The following RBMS3 variants were observed in gnomAD, a reference collection of about 807,000 sequenced individuals.
RBMS3 encodes RNA-binding motif, single-stranded-interacting protein 3.
In RBMS3, 27 loss-of-function variants were observed where a neutral mutation model predicts 66.8. The observed-to-expected ratio is 0.40, with a 90% CI of 0.30 to 0.56. The LOEUF is 0.56. RBMS3 is among the 20% of genes least tolerant of loss of function. RBMS3 has a pLI of 0.40. For synonymous variants in RBMS3, 188 were observed against 183.0 expected (o/e 1.03, Z -0.22); for missense variants, 513 against 549.5 (o/e 0.93, Z 0.66).
intron 4 of RBMS3, among the ~76,000 whole-genome samples, chr3:29,653,511 G>T (rs2050213520): frequency 6.6e-6 from 1 of 152,096 alleles, no homozygotes; most frequent in Admixed American, 6.6e-5. Context: ...AGTGATATCA[G>T]AATTAATATT....
chr3:29,411,205 A>T (rs1455524899), intron 1 of RBMS3, among the ~76,000 whole-genome samples: 1 of 152,176 alleles, frequency 6.6e-6, no homozygotes, highest in Non-Finnish European at 1.5e-5. Context: ...TAGCAGAAAG[A>T]TCTACTCATA....
At chr3:29,663,118 A>T (rs953494827) in intron 4 of RBMS3, among the ~76,000 whole-genome samples, 2 of 152,184 alleles carry the variant, frequency 1.3e-5, no homozygotes, top group African/African-American at 4.8e-5. Context: ...AATGCCTCTC[A>T]TAGAGTAGGT....
At chr3:29,946,984 G>A (rs1695361256) in intron 12 of RBMS3, among the ~76,000 whole-genome samples, 1 of 151,468 alleles carries the variant, frequency 6.6e-6, no homozygotes, top group African/African-American at 2.4e-5. Flanking sequence ...TATGATATTG[G>A]CAAGAAAGTA....
At chr3:29,358,407 C>T (rs911278660) in intron 1 of RBMS3, among the ~76,000 whole-genome samples, 1 of 152,064 alleles carries the variant, frequency 6.6e-6, no homozygotes. Context: ...TGGTCTGTAT[C>T]TCTGTTTTGG....
At chr3:29,364,074 C>G (rs2037763605) in intron 1 of RBMS3, among the ~76,000 whole-genome samples, 1 of 151,700 alleles carries the variant, frequency 6.6e-6, no homozygotes, top group Non-Finnish European at 1.5e-5. Flanking sequence ...GATATAGGTA[C>G]AGGAATGTTT....
chr3:29,886,899 C>A (rs2059884852), intron 8 of RBMS3, among the ~76,000 whole-genome samples: 1 of 151,714 alleles, frequency 6.6e-6, no homozygotes. Context: ...CCTGAAGAAA[C>A]TTTTCAATCA....
At chr3:29,798,796 G>GT (rs1275155482) in intron 6 of RBMS3, among the ~76,000 whole-genome samples, 1 of 152,068 alleles carries the variant, frequency 6.6e-6, no homozygotes, top group Non-Finnish European at 1.5e-5. Context: ...AATGTGTATT[G>GT]TCCGATATTG....
At chr3:29,962,373 A>AAAC (rs1490230854) in intron 12 of RBMS3, among the ~76,000 whole-genome samples, 1 of 151,900 alleles carries the variant, frequency 6.6e-6, no homozygotes, top group Non-Finnish European at 1.5e-5. Context: ...TAGAGGTCTA[A>AAAC]AACCAGCATG....
chr3:29,512,915 C>T (rs552656460), intron 3 of RBMS3, among the ~76,000 whole-genome samples: 6 of 152,152 alleles, frequency 3.9e-5, no homozygotes, highest in South Asian at 4.1e-4. Flanking sequence ...ATTTGGAAAG[C>T]GCTGCTTGTC....
At chr3:29,568,997 G>T (rs17545871) in intron 3 of RBMS3, among the ~76,000 whole-genome samples, 21,766 of 152,042 alleles carry the variant, frequency 0.14, 1,856 homozygotes, top group Non-Finnish European at 0.2. Flanking sequence ...TTGTCAAAAT[G>T]TACAGCCTGA....
At chr3:29,352,977 G>A (rs55919279) in intron 1 of RBMS3, among the ~76,000 whole-genome samples, 28,767 of 150,326 alleles carry the variant, frequency 0.19, 2,936 homozygotes, top group African/African-American at 0.26. Flanking sequence ...AGTATTTTAT[G>A]TTTTTGCTTG....
At chr3:29,739,901 A>T (rs772200078) in intron 5 of RBMS3, 24 bp downstream of exon 5, 1 of 1,509,544 alleles carries the variant, frequency 6.6e-7, no homozygotes, top group African/African-American at 1.4e-5. Context: ...TTTGTATGTA[A>T]TCGTTCTTTC....
At chr3:29,954,979 T>A (rs1559834565) in intron 12 of RBMS3, among the ~76,000 whole-genome samples, 1 of 152,090 alleles carries the variant, frequency 6.6e-6, no homozygotes, top group African/African-American at 2.4e-5. Context: ...AGGATACAGA[T>A]CAGATTTCTG....
intron 1 of RBMS3, among the ~76,000 whole-genome samples, chr3:29,338,185 A>G (rs1464615522): frequency 1.3e-5 from 2 of 152,130 alleles, no homozygotes; most frequent in East Asian, 1.9e-4. Context: ...GAAGCTCCAC[A>G]TCTATTTTGT....
chr3:29,856,460 T>C (rs1020709775), intron 6 of RBMS3, among the ~76,000 whole-genome samples: 2 of 152,176 alleles, frequency 1.3e-5, no homozygotes, highest in African/African-American at 4.8e-5. Context: ...CACATTTAGA[T>C]CATGACATTG....
At chr3:29,714,391 C>T (rs944625938) in intron 4 of RBMS3, among the ~76,000 whole-genome samples, 2 of 152,086 alleles carry the variant, frequency 1.3e-5, no homozygotes, top group East Asian at 1.9e-4. Flanking sequence ...TAAGACAGAC[C>T]GGCTGGGAAA....
At chr3:29,754,679 AC>A (rs1304789678) in intron 5 of RBMS3, among the ~76,000 whole-genome samples, 2 of 152,210 alleles carry the variant, frequency 1.3e-5, no homozygotes, top group Non-Finnish European at 2.9e-5. Flanking sequence ...GAAGATGGCC[AC>A]CCAGGAGCCT....
intron 3 of RBMS3, among the ~76,000 whole-genome samples, chr3:29,586,038 C>A (rs1187494605): frequency 6.6e-6 from 1 of 152,082 alleles, no homozygotes; most frequent in Non-Finnish European, 1.5e-5. Flanking sequence ...TCACAGTACA[C>A]CTCCTTAGTA....
At chr3:29,519,170 T>C (rs2044756403) in intron 3 of RBMS3, among the ~76,000 whole-genome samples, 1 of 152,192 alleles carries the variant, frequency 6.6e-6, no homozygotes, top group African/African-American at 2.4e-5. Context: ...TCAAGCCCCA[T>C]AGATGTGTTA....
Sources: gnomAD v4.1 joint callset for allele counts (sites outside exome capture counted in the v4.1 genomes callset) on GRCh38, gnomAD v4.1.1 for gene constraint, MANE v1.5 for transcripts, NCBI Gene and HGNC (gene_info 2026-07-23, HGNC 2026-07-21) for gene names.